Variants in IL1RAPL1 observed in about 807,000 individuals in gnomAD.
The protein encoded by IL1RAPL1 is interleukin-1 receptor accessory protein-like 1.
IL1RAPL1 carries 3 observed loss-of-function variants against 48.4 expected under a neutral mutation model. The ratio of observed to expected loss-of-function variants is 0.06; its 90% CI spans 0.03 to 0.16. The LOEUF (loss-of-function observed/expected upper bound fraction) is 0.16. Ranked by LOEUF, IL1RAPL1 falls within the 10% of genes least tolerant of loss-of-function variation. The pLI, the probability that IL1RAPL1 is intolerant of heterozygous loss-of-function variation, is 1.00. For missense variants in IL1RAPL1, 349 were observed against 530.6 expected, an observed-to-expected ratio of 0.66 and a Z score of 3.36; for synonymous variants, 185 against 187.7, an observed-to-expected ratio of 0.99 and a Z score of 0.12.
intron 3 of IL1RAPL1, among the ~76,000 whole-genome samples, chrX:29,394,798 C>T: frequency 9.0e-6 from 1 of 111,533 alleles, no homozygotes; most frequent in Non-Finnish European, 1.9e-5. Context: ...AATTATTTCA[C>T]CTATTAAGTA....
intron 2 of IL1RAPL1, among the ~76,000 whole-genome samples, chrX:28,892,888 A>AG (rs1234475136): frequency 9.0e-6 from 1 of 111,689 alleles, no homozygotes; most frequent in East Asian, 2.8e-4. Context: ...CAGGTATTAA[A>AG]GGCCTAAGAA....
At chrX:29,232,513 C>G (rs1931220075) in intron 2 of IL1RAPL1, among the ~76,000 whole-genome samples, 1 of 112,130 alleles carries the variant, frequency 8.9e-6, no homozygotes, top group South Asian at 3.7e-4. Flanking sequence ...CAGTTCGTAA[C>G]AAATGCCTTG....
chrX:28,852,374 T>C (rs1171308224), intron 2 of IL1RAPL1, among the ~76,000 whole-genome samples: 1 of 110,415 alleles, frequency 9.1e-6, no homozygotes, highest in Non-Finnish European at 1.9e-5. Flanking sequence ...ATGTTGATAT[T>C]TGCAATGCAT....
chrX:29,358,022 G>A (rs1434902516), intron 3 of IL1RAPL1, among the ~76,000 whole-genome samples: 1 of 111,622 alleles, frequency 9.0e-6, no homozygotes, highest in Non-Finnish European at 1.9e-5. Flanking sequence ...TCTCAGGTAA[G>A]GGCAGGAACC....
intron 6 of IL1RAPL1, among the ~76,000 whole-genome samples, chrX:29,672,870 G>A (rs1211093201): frequency 1.8e-5 from 2 of 111,975 alleles, no homozygotes; most frequent in Non-Finnish European, 3.8e-5. Flanking sequence ...AGCACTTTTT[G>A]TATCTGAGTG....
intron 1 of IL1RAPL1, among the ~76,000 whole-genome samples, chrX:28,775,023 C>T (rs1458257527): frequency 8.9e-6 from 1 of 112,174 alleles, no homozygotes; most frequent in Non-Finnish European, 1.9e-5. Flanking sequence ...AAATTGTAGT[C>T]TAAGATGATA....
At chrX:29,663,062 T>C (rs971411318) in intron 5 of IL1RAPL1, among the ~76,000 whole-genome samples, 1 of 112,450 alleles carries the variant, frequency 8.9e-6, no homozygotes, top group Non-Finnish European at 1.9e-5. Context: ...GTTTACATTC[T>C]ACAGCTCTCA....
At chrX:29,314,437 C>G (rs907974498) in intron 3 of IL1RAPL1, among the ~76,000 whole-genome samples, 7 of 112,253 alleles carry the variant, frequency 6.2e-5, no homozygotes, top group African/African-American at 2.3e-4. Flanking sequence ...TGAAAGGGAG[C>G]TTTTTCTCCA....
At chrX:29,399,707 T>C (rs986886657) in intron 5 of IL1RAPL1, among the ~76,000 whole-genome samples, 1 of 109,363 alleles carries the variant, frequency 9.1e-6, no homozygotes, top group Non-Finnish European at 1.9e-5. Flanking sequence ...TAATCCCAGC[T>C]ACTCGGGAGG....
At chrX:28,960,824 C>G (rs1408960180) in intron 2 of IL1RAPL1, among the ~76,000 whole-genome samples, 1 of 109,284 alleles carries the variant, frequency 9.2e-6, no homozygotes, top group Admixed American at 9.8e-5. Flanking sequence ...CTGGATAACA[C>G]AGTGAAACCC....
chrX:29,396,823 T>C, intron 4 of IL1RAPL1, among the ~76,000 whole-genome samples: 2 of 112,167 alleles, frequency 1.8e-5, no homozygotes, highest in Admixed American at 1.9e-4. Flanking sequence ...GACTGATTTT[T>C]TTCCAGGATA....
intron 8 of IL1RAPL1, among the ~76,000 whole-genome samples, chrX:29,925,440 T>TTTTTTTTTTTTTC (rs1932881009): frequency 4.2e-5 from 1 of 23,991 alleles, no homozygotes; most frequent in Non-Finnish European, 8.3e-5. Flanking sequence ...TTTTTTTTTT[T>TTTTTTTTTTTTTC]TTTTTGCTGG....
intron 1 of IL1RAPL1, among the ~76,000 whole-genome samples, chrX:28,629,798 C>T (rs1934379644): frequency 9.0e-6 from 1 of 111,578 alleles, no homozygotes; most frequent in African/African-American, 3.3e-5. Context: ...ACCTGGGCCT[C>T]GAGTGAGCAA....
At chrX:29,461,365 CTT>C (rs1180914683) in intron 5 of IL1RAPL1, among the ~76,000 whole-genome samples, 1 of 111,600 alleles carries the variant, frequency 9.0e-6, no homozygotes, top group African/African-American at 3.3e-5. Flanking sequence ...TTGGAAAACA[CTT>C]TTGCAATATA....
intron 5 of IL1RAPL1, among the ~76,000 whole-genome samples, chrX:29,550,217 A>T (rs1301753612): frequency 9.0e-6 from 1 of 110,645 alleles, no homozygotes; most frequent in Non-Finnish European, 1.9e-5. Flanking sequence ...TTTGAGATGG[A>T]TTCTCACTCT....
intron 5 of IL1RAPL1, among the ~76,000 whole-genome samples, chrX:29,456,925 A>T (rs978951671): frequency 9.0e-6 from 1 of 110,877 alleles, no homozygotes; most frequent in African/African-American, 3.3e-5. Context: ...TTGAGCCTGG[A>T]AGTTCACGAC....
chrX:28,912,572 G>T (rs553071231), intron 2 of IL1RAPL1, among the ~76,000 whole-genome samples: 2 of 111,009 alleles, frequency 1.8e-5, no homozygotes, highest in East Asian at 2.8e-4. Context: ...ATGTATGAGT[G>T]TGTGTGTCTC....
At chrX:29,057,786 A>T (rs1306962213) in intron 2 of IL1RAPL1, among the ~76,000 whole-genome samples, 2 of 111,610 alleles carry the variant, frequency 1.8e-5, no homozygotes, top group African/African-American at 6.5e-5. Context: ...AGCTGGATGG[A>T]TCATTCAGAA....
intron 1 of IL1RAPL1, among the ~76,000 whole-genome samples, chrX:28,692,346 C>T (rs1052507403): frequency 6.3e-5 from 7 of 111,344 alleles, no homozygotes; most frequent in Non-Finnish European, 3.8e-5. Flanking sequence ...CATGGGCAGC[C>T]TATCATTAGC....
Sources: gnomAD v4.1 joint callset for allele counts (sites outside exome capture counted in the v4.1 genomes callset) on GRCh38, gnomAD v4.1.1 for gene constraint, MANE v1.5 for transcripts, NCBI Gene and HGNC (gene_info 2026-07-23, HGNC 2026-07-21) for gene names.